The following SNRPD3 variants were observed in gnomAD, a reference collection of about 807,000 sequenced individuals.
SNRPD3 encodes small nuclear ribonucleoprotein Sm D3.
For synonymous variants in SNRPD3, 66 were observed against 58.4 expected, an observed-to-expected ratio of 1.13 and a Z score of -0.59; for missense variants, 73 against 167.5, an observed-to-expected ratio of 0.44 and a Z score of 3.11.
At chr22:24,556,376 G>T (rs5996716) in intron 1 of SNRPD3, among the ~76,000 whole-genome samples, 1,711 of 130,310 alleles carry the variant, frequency 0.013, 39 homozygotes, top group South Asian at 0.026. Context: ...GTTTTTTTTT[G>T]TTTTTTTTTT....
At position 24,573,522 on chromosome 22, in the gene SNRPD3, A is replaced by G. The variant is rs1209320255; in HGVS notation, c.*1545A>G. On this transcript the variant is annotated 3_prime_UTR_variant, in exon 4 of 4. Transcript: ENST00000215829. The stretch of plus-strand genomic sequence containing the variant: ...TCTTATGATACTACCTGGAGGTTAC[A>G]GAGCTGGTATTCTGAGGAATAAGCA... 6.6e-6 allele frequency among the ~76,000 whole-genome samples: 1 copy of G among 152,240 alleles called. No individual in the cohort carries two copies. Among genetic ancestry groups the G allele is most frequent in the African/African-American group, 2.4e-5 (1 of 41,462 alleles).
chr22:24,569,031 C>G (rs2045224545), intron 3 of SNRPD3, among the ~76,000 whole-genome samples: 2 of 152,026 alleles, frequency 1.3e-5, no homozygotes, highest in Non-Finnish European at 2.9e-5. Context: ...TCTAGAAGTT[C>G]TGTGTGAGAG....
upstream of SNRPD3, chr22:24,555,748 G>A: frequency 6.4e-7 from 1 of 1,550,646 alleles, no homozygotes; most frequent in South Asian, 1.2e-5. Context: ...TTGGTGTGGG[G>A]TGCTTGGAAG....
At chr22:24,559,491 A>G (rs2045112012) in intron 2 of SNRPD3, among the ~76,000 whole-genome samples, 1 of 152,216 alleles carries the variant, frequency 6.6e-6, no homozygotes, top group South Asian at 2.1e-4. Context: ...CTGGGTTTCC[A>G]GGGCCTTTGT....
Position 24,574,414 on chromosome 22 carries a change from A to G in SNRPD3, c.*2437A>G, listed in dbSNP as rs906553260. On this transcript the variant is annotated 3_prime_UTR_variant, in exon 4 of 4. Coordinates refer to ENST00000215829, the MANE Select transcript of SNRPD3 (RefSeq NM_004175.5). Reference sequence around the variant, plus strand: ...TTCCATAAGGTTTATTATGAAAAACAGTAGCCCTCCTACCCTGCCTTTACC... The same window carrying G: ...TTCCATAAGGTTTATTATGAAAAACGGTAGCCCTCCTACCCTGCCTTTACC... 6.6e-6 allele frequency among the ~76,000 whole-genome samples: 1 copy of G among 152,254 alleles called. No individual in the cohort carries two copies. Among genetic ancestry groups the G allele is most frequent in the African/African-American group, 2.4e-5 (1 of 41,460 alleles).
chr22:24,569,010 G>A (rs1018526390), intron 3 of SNRPD3, among the ~76,000 whole-genome samples: 1 of 152,138 alleles, frequency 6.6e-6, no homozygotes, highest in African/African-American at 2.4e-5. Context: ...CACCTGGAGA[G>A]GCCCATCTTT....
At chr22:24,563,230 G>A (rs912110896) in intron 2 of SNRPD3, among the ~76,000 whole-genome samples, 5 of 135,966 alleles carry the variant, frequency 3.7e-5, no homozygotes, top group Non-Finnish European at 6.4e-5. Context: ...GTGTGTGTGT[G>A]TGTGTGTGTG....
At chr22:24,555,807 G>T, upstream of SNRPD3, 2 of 1,547,832 alleles carry the variant, frequency 1.3e-6, no homozygotes, top group Non-Finnish European at 1.7e-6. Flanking sequence ...TCGTTGCGGC[G>T]GCCCCCGGGC....
In SNRPD3 at chr22:24,571,965, A is replaced by C; in HGVS notation, c.369A>C (p.Gln123His). 2.5e-6 allele frequency: 4 copies of C among 1,614,140 alleles called. No homozygotes were observed. Among genetic ancestry groups the C allele is most frequent in the Non-Finnish European group, 3.4e-6 (4 of 1,179,982 alleles). The change falls in exon 4 of 4, where the codon CAA becomes CAC. Residue 123 changes from glutamine to histidine, a missense_variant. Physicochemically the swap from Gln to His is conservative, Grantham distance 24. Coordinates refer to ENST00000215829, the MANE Select transcript of SNRPD3 (RefSeq NM_004175.5). The part of the protein sequence containing the change: ...GRGMGRGNIF[Q>H]KRR ...GAATGGGACGTGGAAACATCTTTCA[A>C]AAGCGAAGATAATTTTCTAAGTTGA...
At chr22:24,563,631 T>G (rs1365217536) in intron 2 of SNRPD3, among the ~76,000 whole-genome samples, 2 of 152,188 alleles carry the variant, frequency 1.3e-5, no homozygotes, top group African/African-American at 4.8e-5. Context: ...CAGAGAGTAA[T>G]GGTCAAACCC....
chr22:24,565,277 C>T (rs915378943), intron 2 of SNRPD3, among the ~76,000 whole-genome samples: 4 of 151,922 alleles, frequency 2.6e-5, no homozygotes, highest in Non-Finnish European at 2.9e-5. Context: ...GCCATGTAAG[C>T]GTGGTGTGAC....
rs2045274062 is a variant in SNRPD3 at position 24,574,540 on chromosome 22, A to C, written c.*2563A>C. On this transcript the variant is annotated 3_prime_UTR_variant, in exon 4 of 4. Transcript: ENST00000215829. ...AACATGTTTTCATGACTATTCCTTG[A>C]TGGTTTTTTGTTTGCTTGTTTTAAG... Among the ~76,000 whole-genome samples the C allele has an allele frequency of 6.6e-6, 1 of 151,842 alleles. No homozygotes were observed. The highest frequency in any genetic ancestry group is 2.4e-5 in the African/African-American group (1 of 41,306).
intron 2 of SNRPD3, among the ~76,000 whole-genome samples, chr22:24,560,119 C>CCTTGCTCTGTCACCCAGGCTGCAGT (rs71189258): frequency 0.94 from 94,066 of 100,174 alleles, 44,455 homozygotes; most frequent in Non-Finnish European, 0.99. Flanking sequence ...TGAGATGGAG[C>CCTTGCTCTGTCACCCAGGCTGCAGT]CTTGCTCTGT....
intron 2 of SNRPD3, among the ~76,000 whole-genome samples, chr22:24,562,924 T>C (rs1039784682): frequency 1.3e-5 from 2 of 152,180 alleles, no homozygotes; most frequent in African/African-American, 4.8e-5. Flanking sequence ...TAAGTTAAAA[T>C]AGCAATTGTG....
At chr22:24,565,842 G>C (rs546596827) in intron 2 of SNRPD3, among the ~76,000 whole-genome samples, 1 of 151,930 alleles carries the variant, frequency 6.6e-6, no homozygotes, top group Non-Finnish European at 1.5e-5. Flanking sequence ...TGTATTTTTA[G>C]TAGAGCCAGG....
chr22:24,563,646 C>T (rs2045169369), intron 2 of SNRPD3, among the ~76,000 whole-genome samples: 1 of 152,160 alleles, frequency 6.6e-6, no homozygotes, highest in South Asian at 2.1e-4. Flanking sequence ...AAACCCATTT[C>T]ACTACATTCA....
intron 2 of SNRPD3, among the ~76,000 whole-genome samples, chr22:24,567,198 G>C (rs2045204374): frequency 6.6e-6 from 1 of 152,178 alleles, no homozygotes; most frequent in African/African-American, 2.4e-5. Context: ...AACCACATCT[G>C]GTATATACTT....
rs766751532 is a variant in SNRPD3 at position 24,574,268 on chromosome 22, A to G, written c.*2291A>G. On this transcript the variant is annotated 3_prime_UTR_variant, in exon 4 of 4. Transcript: ENST00000215829. ...ATTCTCCACGCAATGGAAACTGGCT[A>G]TAACCCTACCTAGATCTGAAAAGTG... 1.3e-5 allele frequency among the ~76,000 whole-genome samples: 2 copies of G among 152,238 alleles called. No individual in the cohort carries two copies. The highest frequency in any genetic ancestry group is 2.1e-4 in the South Asian group (1 of 4,838).
Position 24,572,261 on chromosome 22 carries a change from G to A in SNRPD3, c.*284G>A. ...AGTACTTTGAAATAGCACAGCTATT[G>A]ATGAGATTTTAAGCTGCTGTTCCTG... On this transcript the variant is annotated 3_prime_UTR_variant, in exon 4 of 4. Transcript: ENST00000215829. The A allele has an allele frequency of 1.6e-6, 1 of 617,644 alleles. No individual in the cohort carries two copies. Among genetic ancestry groups the A allele is most frequent in the East Asian group, 2.7e-5 (1 of 36,718 alleles). 38.3% of individuals were successfully genotyped at this position (617,644 alleles called of 1,614,324 possible).
Sources: allele counts gnomAD v4.1 joint callset (sites outside exome capture counted in the v4.1 genomes callset), GRCh38; gene constraint gnomAD v4.1.1; transcripts MANE v1.5; gene names NCBI Gene and HGNC (gene_info 2026-07-23, HGNC 2026-07-21).